The following PTDSS1 variants were observed in gnomAD, a reference collection of about 807,000 sequenced individuals.
PTDSS1 encodes the protein phosphatidylserine synthase 1, also known as PSS-1.
Under a neutral mutation model 70.5 loss-of-function variants are expected in PTDSS1, and 45 were observed. That is an observed-to-expected ratio of 0.64 (90% CI 0.50 to 0.82). The LOEUF (loss-of-function observed/expected upper bound fraction) is 0.82. Ranked by LOEUF, PTDSS1 falls within the 40% of genes least tolerant of loss-of-function variation. The pLI is 0.00. For synonymous variants in PTDSS1, 188 were observed against 203.8 expected, an observed-to-expected ratio of 0.92 and a Z score of 0.66; for missense variants, 417 against 586.1, an observed-to-expected ratio of 0.71 and a Z score of 2.98.
chr8:96,322,362 G>A (rs1339257718), intron 10 of PTDSS1, among the ~76,000 whole-genome samples: 1 of 152,140 alleles, frequency 6.6e-6, no homozygotes, highest in African/African-American at 2.4e-5. Flanking sequence ...CCAAGAGCGT[G>A]GTACCAGTAT....
At chr8:96,300,373 C>G (rs543356460) in intron 6 of PTDSS1, among the ~76,000 whole-genome samples, 50 of 152,156 alleles carry the variant, frequency 3.3e-4, no homozygotes, top group Non-Finnish European at 6.6e-4. Flanking sequence ...TGCACACGCT[C>G]CCCTCTCTTC....
chr8:96,309,261 C>G (rs1291123787), intron 8 of PTDSS1: 1 of 113,484 alleles, frequency 8.8e-6, no homozygotes, highest in Non-Finnish European at 1.6e-5. Context: ...GGAAAAGGAA[C>G]AAAGAAATCT....
intron 4 of PTDSS1, among the ~76,000 whole-genome samples, chr8:96,293,600 G>T (rs1306584181): frequency 6.6e-6 from 1 of 152,262 alleles, no homozygotes; most frequent in Non-Finnish European, 1.5e-5. Context: ...GGTCTTATGA[G>T]GGGATAATTG....
intron 1 of PTDSS1, among the ~76,000 whole-genome samples, chr8:96,266,927 C>T: frequency 6.6e-6 from 1 of 152,106 alleles, no homozygotes; most frequent in East Asian, 1.9e-4. Flanking sequence ...TCTCTGGGGT[C>T]TACTGCAGTG....
intron 5 of PTDSS1, among the ~76,000 whole-genome samples, chr8:96,296,340 A>G (rs1308198065): frequency 6.6e-6 from 1 of 151,778 alleles, no homozygotes; most frequent in Non-Finnish European, 1.5e-5. Context: ...GGGTCTCACC[A>G]TGTTAGCCAG....
chr8:96,262,289 G>GGGGGGGGT lies in PTDSS1; in HGVS notation c.179+70_179+71insGGGGGGGT. Reference sequence around the variant, plus strand: ...AAGAGGCGGGAGGGAGGGTGGCGGGGAGGGGGGCCCGGCATGGCTCTGGGT... The same window carrying GGGGGGGGT: ...AAGAGGCGGGAGGGAGGGTGGCGGGGGGGGGGGTAGGGGGGCCCGGCATGGCTCTGGGT... On this transcript the variant is annotated intron_variant, in intron 1 of 12. Transcript: ENST00000517309. This position sits in a 1 kb window ranked among gnomAD's most constrained non-coding sequence, Gnocchi z 4.4. The GGGGGGGGT allele has an allele frequency of 1.9e-6, 2 of 1,070,682 alleles. No individual in the cohort carries two copies. Among genetic ancestry groups the GGGGGGGGT allele is most frequent in the Non-Finnish European group, 2.7e-6 (2 of 734,666 alleles). The allele number at this position is 1,070,682 out of a possible 1,614,324, so 66.3% of individuals were successfully genotyped here. A position where few individuals can be genotyped will look rare whatever the true frequency, so the allele number is the denominator to read the frequency against.
chr8:96,309,599 A>G lies in PTDSS1; in HGVS notation c.1050A>G (p.Val350=), dbSNP rs772467946. The G allele has an allele frequency of 6.2e-6, 10 of 1,614,074 alleles. No homozygotes were observed. In the South Asian group the frequency reaches 8.8e-5, roughly 14 times the overall value. Residue 350 remains valine, a synonymous_variant, in exon 9 of 13, where the codon GTA becomes GTG. Coordinates refer to ENST00000517309, the MANE Select transcript of PTDSS1 (RefSeq NM_014754.3). ...TCACCGACACACAGTGCAAGCGCGT[A>G]GGAACACAATGCTGGGTGTTTGGGT... ...AYLTDTQCKR[V]GTQCWVFGVI...
intron 1 of PTDSS1, among the ~76,000 whole-genome samples, chr8:96,266,451 G>A (rs1014182794): frequency 7.2e-5 from 11 of 152,252 alleles, no homozygotes; most frequent in African/African-American, 1.9e-4. Flanking sequence ...CCAGTTCACC[G>A]TCATATCATT....
chr8:96,283,556 T>C (rs1306330601), intron 2 of PTDSS1: 1 of 152,536 alleles, frequency 6.6e-6, no homozygotes, highest in Non-Finnish European at 1.5e-5. Context: ...CAGGTCATAA[T>C]GAAAAGCCAC....
chr8:96,310,494 G>A (rs1257715019), intron 9 of PTDSS1, among the ~76,000 whole-genome samples: 1 of 150,996 alleles, frequency 6.6e-6, no homozygotes, highest in Non-Finnish European at 1.5e-5. Context: ...AAATAAATTA[G>A]GAAATCAGAT....
At chr8:96,312,989 T>G (rs1183373295) in intron 9 of PTDSS1, among the ~76,000 whole-genome samples, 1 of 152,138 alleles carries the variant, frequency 6.6e-6, no homozygotes, top group Non-Finnish European at 1.5e-5. Context: ...ATCTCAGACT[T>G]TGGTAAGGTG....
intron 9 of PTDSS1, among the ~76,000 whole-genome samples, chr8:96,312,990 T>G (rs986537174): frequency 7.2e-5 from 11 of 152,210 alleles, no homozygotes; most frequent in African/African-American, 2.7e-4. Flanking sequence ...TCTCAGACTT[T>G]GGTAAGGTGG....
rs1485661847 is a variant in PTDSS1 at position 96,335,978 on chromosome 8, A to G, written c.*2412A>G. 1.3e-5 allele frequency: 2 copies of G among 152,094 alleles called. No individual in the cohort carries two copies. The highest frequency in any genetic ancestry group is 2.9e-5 in the Non-Finnish European group (2 of 68,010). 9.4% of individuals were successfully genotyped at this position (152,094 alleles called of 1,614,324 possible). Reference sequence around the variant, plus strand: ...CTAAAGCTTGAAGAACGGTTTATGTATTTTTCTCCTTAAGTAGCATTGCAT... The same window carrying G: ...CTAAAGCTTGAAGAACGGTTTATGTGTTTTTCTCCTTAAGTAGCATTGCAT... On this transcript the variant is annotated 3_prime_UTR_variant, in exon 13 of 13. Transcript: ENST00000517309.
intron 12 of PTDSS1, among the ~76,000 whole-genome samples, chr8:96,333,094 G>C (rs1042076772): frequency 6.6e-6 from 1 of 152,234 alleles, no homozygotes; most frequent in Admixed American, 6.5e-5. Context: ...TGCAGGGCAG[G>C]ATGGGCACCG....
intron 7 of PTDSS1, among the ~76,000 whole-genome samples, chr8:96,305,207 G>A (rs1811105491): frequency 6.6e-6 from 1 of 152,220 alleles, no homozygotes; most frequent in Admixed American, 6.5e-5. Context: ...CCGTTAGGAT[G>A]GAACCACCTG....
At chr8:96,310,313 C>T (rs993309788) in intron 9 of PTDSS1, among the ~76,000 whole-genome samples, 3 of 151,016 alleles carry the variant, frequency 2.0e-5, no homozygotes, top group Non-Finnish European at 4.4e-5. Flanking sequence ...TACAGGTGCG[C>T]ACCACCACAC....
At chr8:96,291,982 GA>G (rs1017401964) in intron 4 of PTDSS1, among the ~76,000 whole-genome samples, 75 of 151,840 alleles carry the variant, frequency 4.9e-4, no homozygotes, top group Admixed American at 2.0e-3. Flanking sequence ...TTTTGGAGGA[GA>G]AAAAAAGAAA....
intron 3 of PTDSS1, among the ~76,000 whole-genome samples, 187 bp from the exon 4 acceptor site, chr8:96,286,835 A>T (rs1810829151): frequency 6.6e-6 from 1 of 152,220 alleles, no homozygotes; most frequent in Non-Finnish European, 1.5e-5. Context: ...GACCACTCTC[A>T]ATCTGAATTA....
chr8:96,294,953 A>T, intron 4 of PTDSS1, 145 bp from the exon 5 acceptor site: 1 of 726,332 alleles, frequency 1.4e-6, no homozygotes, highest in Non-Finnish European at 2.1e-6. Flanking sequence ...CAAGGCCCTT[A>T]AGTTATTAAA....
Sources: gnomAD v4.1 joint callset for allele counts (sites outside exome capture counted in the v4.1 genomes callset) on GRCh38, gnomAD v4.1.1 for gene constraint, Gnocchi (gnomAD v3.1) non-coding constraint, MANE v1.5 for transcripts, NCBI Gene and HGNC (gene_info 2026-07-23, HGNC 2026-07-21) for gene names.